The following CCSER1 variants were observed in gnomAD, a reference collection of about 807,000 sequenced individuals.
CCSER1 encodes coiled-coil serine rich protein 1, also known as serine-rich coiled-coil domain-containing protein 1.
A neutral mutation model predicts 82.0 loss-of-function variants in CCSER1; 41 were observed. The ratio of observed to expected loss-of-function variants is 0.50; its 90% CI spans 0.39 to 0.65. The LOEUF is 0.65. CCSER1 is among the 30% of genes least tolerant of loss of function. CCSER1 has a pLI of 0.00. For missense variants in CCSER1, 1,119 were observed against 1,064.2 expected, an observed-to-expected ratio of 1.05 and a Z score of -0.72; for synonymous variants, 414 against 383.9, an observed-to-expected ratio of 1.08 and a Z score of -0.92.
chr4:91,245,564 A>C (rs370244023), intron 10 of CCSER1, among the ~76,000 whole-genome samples: 19 of 152,320 alleles, frequency 1.2e-4, no homozygotes, highest in African/African-American at 4.1e-4. Flanking sequence ...CTCAAGAAGA[A>C]AGAGAAATAA....
chr4:90,506,353 A>G (rs1770680661), intron 5 of CCSER1, among the ~76,000 whole-genome samples: 2 of 152,232 alleles, frequency 1.3e-5, no homozygotes, highest in Admixed American at 6.5e-5. Context: ...GAAGTAAAAT[A>G]TAAAATATGC....
chr4:90,803,150 A>T (rs1177969431), intron 7 of CCSER1, among the ~76,000 whole-genome samples: 1 of 152,168 alleles, frequency 6.6e-6, no homozygotes, highest in Non-Finnish European at 1.5e-5. Flanking sequence ...TGGAGGAATT[A>T]TTGGGAGGTT....
intron 10 of CCSER1, among the ~76,000 whole-genome samples, chr4:91,458,204 C>T (rs1377397754): frequency 6.6e-6 from 1 of 151,958 alleles, no homozygotes; most frequent in Non-Finnish European, 1.5e-5. Context: ...TACTTTCATC[C>T]TTCTGCATAT....
At chr4:91,590,453 T>A (rs888480920) in intron 10 of CCSER1, among the ~76,000 whole-genome samples, 2 of 152,132 alleles carry the variant, frequency 1.3e-5, no homozygotes, top group African/African-American at 4.8e-5. Context: ...GAACTCTTTA[T>A]CACTGAAAAC....
chr4:90,249,254 A>G (rs568936830), intron 1 of CCSER1, among the ~76,000 whole-genome samples: 1 of 152,280 alleles, frequency 6.6e-6, no homozygotes, highest in East Asian at 1.9e-4. Context: ...AGGGGTGGCT[A>G]CCTTTAGAGA....
intron 10 of CCSER1, among the ~76,000 whole-genome samples, chr4:91,382,839 G>T (rs6837304): frequency 6.6e-6 from 1 of 151,772 alleles, no homozygotes; most frequent in East Asian, 1.9e-4. Context: ...CTATTTGGCC[G>T]TCTTGGAATT....
chr4:91,162,539 G>T (rs1163152178), intron 10 of CCSER1, among the ~76,000 whole-genome samples: 1 of 152,164 alleles, frequency 6.6e-6, no homozygotes, highest in African/African-American at 2.4e-5. Flanking sequence ...GGTAGAATTT[G>T]GCTGTGAATC....
chr4:91,205,425 T>C (rs1257204555), intron 10 of CCSER1, among the ~76,000 whole-genome samples: 1 of 151,834 alleles, frequency 6.6e-6, no homozygotes, highest in East Asian at 1.9e-4. Flanking sequence ...TTCATGTCTC[T>C]TTAACCTGGG....
intron 10 of CCSER1, among the ~76,000 whole-genome samples, chr4:91,333,302 T>C (rs549157907): frequency 1.3e-5 from 2 of 152,172 alleles, no homozygotes; most frequent in South Asian, 4.1e-4. Flanking sequence ...AAAACTGAAA[T>C]GTAAGTTGCT....
intron 5 of CCSER1, among the ~76,000 whole-genome samples, chr4:90,626,783 G>A (rs189949491): frequency 1.3e-5 from 2 of 152,218 alleles, no homozygotes; most frequent in South Asian, 2.1e-4. Flanking sequence ...ATTGTTGTGA[G>A]AATTAAATGA....
chr4:90,448,448 T>A (rs1383642775), intron 4 of CCSER1, among the ~76,000 whole-genome samples: 1 of 87,826 alleles, frequency 1.1e-5, no homozygotes, highest in Non-Finnish European at 2.1e-5. Context: ...GAATTGAATA[T>A]ATATATATAT....
chr4:91,498,576 G>A (rs962413138), intron 10 of CCSER1, among the ~76,000 whole-genome samples: 13 of 151,092 alleles, frequency 8.6e-5, no homozygotes, highest in Non-Finnish European at 1.3e-4. Flanking sequence ...TTTTCCTGGA[G>A]GATTAAAAAT....
At chr4:91,297,385 ATGTGTG>A (rs57164334) in intron 10 of CCSER1, among the ~76,000 whole-genome samples, 19,442 of 117,816 alleles carry the variant, frequency 0.17, 1,362 homozygotes, top group African/African-American at 0.21. Flanking sequence ...GTGTGTGTGT[ATGTGTG>A]TGTGTGTGTG....
chr4:91,486,805 C>T (rs1758245164), intron 10 of CCSER1, among the ~76,000 whole-genome samples: 2 of 151,954 alleles, frequency 1.3e-5, no homozygotes, highest in African/African-American at 4.8e-5. Context: ...ATTTCTGGAA[C>T]CAGTTGCCCT....
intron 1 of CCSER1, among the ~76,000 whole-genome samples, chr4:90,298,929 CTTCT>C (rs1732542845): frequency 6.6e-6 from 1 of 152,036 alleles, no homozygotes; most frequent in African/African-American, 2.4e-5. Flanking sequence ...TGCTTTTACA[CTTCT>C]TTCTTCTTTT....
chr4:90,192,472 G>C (rs1050507821), intron 1 of CCSER1, among the ~76,000 whole-genome samples: 3 of 152,054 alleles, frequency 2.0e-5, no homozygotes, highest in Non-Finnish European at 4.4e-5. Context: ...TATTTCACTA[G>C]TGGTTGAGAA....
At chr4:90,288,185 T>C in intron 1 of CCSER1, among the ~76,000 whole-genome samples, 1 of 151,922 alleles carries the variant, frequency 6.6e-6, no homozygotes, top group Non-Finnish European at 1.5e-5. Context: ...ACAAAGAGGC[T>C]ATCTCTCTTA....
chr4:90,911,251 A>T (rs915679708), intron 8 of CCSER1: 2 of 455,856 alleles, frequency 4.4e-6, no homozygotes, highest in Non-Finnish European at 8.8e-6. Context: ...TGTCTCCTTG[A>T]TAGCTCCCGA....
intron 5 of CCSER1, among the ~76,000 whole-genome samples, chr4:90,532,803 C>T (rs865992313): frequency 3.9e-5 from 6 of 152,264 alleles, no homozygotes; most frequent in African/African-American, 9.6e-5. Context: ...GACCGTCCCA[C>T]TATGTACAAA....
Sources: gnomAD v4.1 joint callset for allele counts (sites outside exome capture counted in the v4.1 genomes callset) on GRCh38, gnomAD v4.1.1 for gene constraint, MANE v1.5 for transcripts, NCBI Gene and HGNC (gene_info 2026-07-23, HGNC 2026-07-21) for gene names.